The following NOP14 variants were observed in gnomAD, a reference collection of about 807,000 sequenced individuals.
NOP14 encodes NOP14 nucleolar protein.
In NOP14, 57 loss-of-function variants were observed where a neutral mutation model predicts 101.6. The observed-to-expected ratio is 0.56, with a 90% CI of 0.45 to 0.70. The LOEUF is 0.70. NOP14 is among the 30% of genes least tolerant of loss of function. NOP14 has a pLI of 0.00. For missense variants in NOP14, 1,134 were observed against 1,075.5 expected (o/e 1.05, Z -0.76); for synonymous variants, 428 against 424.0 (o/e 1.01, Z -0.12).
intron 1 of NOP14, among the ~76,000 whole-genome samples, chr4:2,962,115 A>C (rs1337540892): frequency 3.3e-5 from 5 of 152,250 alleles, no homozygotes; most frequent in African/African-American, 1.2e-4. Context: ...CAGTATTTAG[A>C]GAACACTTGC....
At position 2,942,208 on chromosome 4, in the gene NOP14, C is replaced by T. The variant is rs200033536; in HGVS notation, c.2035G>A (p.Glu679Lys). 35 of 1,614,112 alleles carry T rather than the reference C, an allele frequency of 2.2e-5. No homozygotes were observed. Among genetic ancestry groups the T allele is most frequent in the Non-Finnish European group, 3.0e-5 (35 of 1,179,976 alleles). The change falls in exon 14 of 18, where the codon GAG becomes AAG. Residue 679 changes from glutamate (E) to lysine (K), a missense_variant. Physicochemically the swap from Glu to Lys is moderately conservative, Grantham distance 56 (BLOSUM62 1). Coordinates refer to ENST00000416614, the MANE Select transcript of NOP14 (RefSeq NM_001291978.2). ...ASRLRAPTSTEANHIRLSCLA... is the reference protein window; with the variant it reads ...ASRLRAPTSTKANHIRLSCLA... Reference sequence around the variant, plus strand: ...CTCACATACCGGATGTGATTGGCCTCTGTCGAAGTTGGGGCCCTCAGTCTA... The same window carrying T: ...CTCACATACCGGATGTGATTGGCCTTTGTCGAAGTTGGGGCCCTCAGTCTA...
intron 13 of NOP14, 118 bp downstream of exon 13, chr4:2,943,955 G>T: frequency 2.6e-6 from 2 of 781,904 alleles, no homozygotes; most frequent in Non-Finnish European, 4.1e-6. Flanking sequence ...GCGGCGGGTG[G>T]CAGGTTGTGT....
intron 1 of NOP14, 81 bp downstream of exon 1, chr4:2,963,044 G>C (rs894012913): frequency 2.5e-5 from 34 of 1,366,276 alleles, no homozygotes; most frequent in Non-Finnish European, 3.2e-5. Flanking sequence ...GGAAACCGAC[G>C]CACCGAGAAG....
chr4:2,941,892 G>A, intron 14 of NOP14, 163 bp from the exon 15 acceptor site: 1 of 811,220 alleles, frequency 1.2e-6, no homozygotes, highest in Non-Finnish European at 1.9e-6. Flanking sequence ...GGGCAAGGCA[G>A]GCTCAGGGTC....
At chr4:2,961,276 T>C (rs1715876005) in intron 1 of NOP14, 1 of 122,578 alleles carries the variant, frequency 8.2e-6, no homozygotes, top group South Asian at 2.5e-4. Flanking sequence ...GTTAGTATAT[T>C]AATATATAGT....
In NOP14 at chr4:2,957,158, C is replaced by T. The variant is rs542851700; in HGVS notation, c.331-347G>A. Among the ~76,000 whole-genome samples, 173 of 152,242 alleles carry T rather than the reference C, an allele frequency of 1.1e-3. 1 individual carries two copies. The highest frequency in any genetic ancestry group is 3.9e-3 in the African/African-American group (161 of 41,554). On this transcript the variant is annotated intron_variant, in intron 2 of 17. Transcript: ENST00000416614. The stretch of plus-strand genomic sequence containing the variant: ...CTGGGATTATAGGCATGCGCCACCA[C>T]GCCTGGCTAATTTTTGTATTTTTAG...
rs1254927374 is a variant in NOP14 at position 2,960,836 on chromosome 4, ATAT to A, written c.195+2286_195+2288del. 1.8e-4 allele frequency among the ~76,000 whole-genome samples: 23 copies of A among 127,016 alleles called. 1 individual carries two copies. Among genetic ancestry groups the A allele is most frequent in the East Asian group, 6.3e-4 (3 of 4,784 alleles). 83.3% of individuals were successfully genotyped at this position (127,016 alleles called of 152,430 possible). A position where few individuals can be genotyped will look rare whatever the true frequency, so the allele number is the denominator to read the frequency against. On this transcript the variant is annotated intron_variant, in intron 1 of 17. Transcript: ENST00000416614. ...TTATAATCACATTATCAATATATTA[ATAT>A]TATAATCACATTATCAATATATTAA...
At chr4:2,958,742 C>A (rs1405479919) in intron 1 of NOP14, among the ~76,000 whole-genome samples, 1 of 152,212 alleles carries the variant, frequency 6.6e-6, no homozygotes, top group Admixed American at 6.5e-5. Context: ...GACTTGGTCA[C>A]TGCCACTCTG....
chr4:2,955,052 G>C (rs2109310088), intron 3 of NOP14, among the ~76,000 whole-genome samples: 1 of 133,646 alleles, frequency 7.5e-6, no homozygotes, highest in East Asian at 2.3e-4. Flanking sequence ...GCCCCCTCTA[G>C]TCACCTGCAC....
Position 2,950,039 on chromosome 4 carries a change from C to G in NOP14, c.1177G>C (p.Glu393Gln), listed in dbSNP as rs748364644. 2 of 1,614,090 alleles carry G rather than the reference C, an allele frequency of 1.2e-6. No individual in the cohort carries two copies. Among genetic ancestry groups the G allele is most frequent in the Non-Finnish European group, 1.7e-6 (2 of 1,180,044 alleles). ...TGCCTCTGCTCTTTTGCTGGCTTCT[C>G]GTTTTCTTCCTCACTCTCCACGTTG... ...ESNVESEEENEKPAKEQRQTP... is the reference protein window; with the variant it reads ...ESNVESEEENQKPAKEQRQTP... Residue 393 changes from glutamate to glutamine, a missense_variant, in exon 8 of 18, where the codon GAG becomes CAG. Coordinates refer to ENST00000416614, the MANE Select transcript of NOP14 (RefSeq NM_001291978.2).
At chr4:2,950,315 G>A (rs549189193) in intron 7 of NOP14, 102 bp from the exon 8 acceptor site, 6 of 1,269,390 alleles carry the variant, frequency 4.7e-6, no homozygotes, top group East Asian at 2.3e-5. Context: ...GGCTTTCTAC[G>A]TGGTTGCAAG....
intron 8 of NOP14, among the ~76,000 whole-genome samples, chr4:2,948,776 G>C (rs1005507816): frequency 6.6e-6 from 1 of 152,174 alleles, no homozygotes; most frequent in Admixed American, 6.6e-5. Flanking sequence ...TTTAAAATGA[G>C]AATTACTTAC....
At position 2,950,033 on chromosome 4, in the gene NOP14, G is replaced by A. The variant is rs755309399; in HGVS notation, c.1183C>T (p.Pro395Ser). The A allele has an allele frequency of 1.2e-6, 2 of 1,614,004 alleles. No homozygotes were observed. The highest frequency in any genetic ancestry group is 1.7e-6 in the Non-Finnish European group (2 of 1,180,034). ...GGAGTCTGCCTCTGCTCTTTTGCTG[G>A]CTTCTCGTTTTCTTCCTCACTCTCC... is the stretch of plus-strand genomic sequence containing the variant. ...NVESEEENEK[P>S]AKEQRQTPGK... Residue 395 changes from proline (P) to serine (S), a missense_variant, in exon 8 of 18, where the codon CCA becomes TCA. By Grantham distance (74) the Pro-to-Ser change is moderately conservative. Coordinates refer to ENST00000416614, the MANE Select transcript of NOP14 (RefSeq NM_001291978.2).
chr4:2,943,866 G>A (rs570223518), intron 13 of NOP14, among the ~76,000 whole-genome samples: 74 of 152,352 alleles, frequency 4.9e-4, no homozygotes, highest in African/African-American at 1.6e-3. Flanking sequence ...TGGCAACCAC[G>A]CTGGACAGCA....
At chr4:2,939,128 C>A (rs971503565) in intron 17 of NOP14, 60 bp downstream of exon 17, 2 of 1,601,930 alleles carry the variant, frequency 1.2e-6, no homozygotes, top group East Asian at 4.5e-5. Context: ...CTGCCCAGGG[C>A]CACACAGCAC....
In NOP14 at chr4:2,942,260, C is replaced by G; in HGVS notation, c.1983G>C (p.Gln661His). The G allele has an allele frequency of 6.2e-7, 1 of 1,614,060 alleles. No individual in the cohort carries two copies. Among genetic ancestry groups the G allele is most frequent in the Non-Finnish European group, 8.5e-7 (1 of 1,179,996 alleles). Residue 661 changes from glutamine to histidine, a missense_variant, in exon 14 of 18, where the codon CAG becomes CAC. Transcript: ENST00000416614. ...SAREDVATWQ[Q>H]SSLSLRWASR... ...TCGCCCAGCGGAGGGAGAGGCTGCT[C>G]TGCTGCCACGTGGCCACATCCTCTC... is the stretch of plus-strand genomic sequence containing the variant.
chr4:2,938,914 G>C lies in NOP14; in HGVS notation c.2491C>G (p.Arg831Gly), dbSNP rs567591572. ...EIMERDAERK[R>G]KVKQLFNSLA... is the part of the protein sequence containing the mutation. ...CTGTTAAAAAGCTGCTTTACTTTCC[G>C]CTTTCTTTCCGCATCCCTAAAAGAA... Residue 831 changes from arginine to glycine, a missense_variant, in exon 18 of 18, where the codon CGG (arginine) becomes GGG (glycine). Arg to Gly is a moderately radical substitution (Grantham distance 125, BLOSUM62 -2). Transcript: ENST00000416614. 2 of 1,613,914 alleles carry C rather than the reference G, an allele frequency of 1.2e-6. No individual in the cohort carries two copies. Among genetic ancestry groups the C allele is most frequent in the Non-Finnish European group, 1.7e-6 (2 of 1,179,910 alleles).
At position 2,962,999 on chromosome 4, in the gene NOP14, G is replaced by A. The variant is rs75370208; in HGVS notation, c.195+126C>T. 2.4e-3 allele frequency: 2,292 copies of A among 950,300 alleles called. 38 individuals carry two copies. In the African/African-American group the frequency reaches 0.032, roughly 13 times the overall value. 58.9% of individuals were successfully genotyped at this position (950,300 alleles called of 1,614,324 possible). A position where few individuals can be genotyped will look rare whatever the true frequency, so the allele number is the denominator to read the frequency against. Reference sequence around the variant, plus strand: ...GAGGCTTTCGGACTATCAAGTCAGTGCCGTGTGCCTGTCACGGCCTGTGCC... The same window carrying A: ...GAGGCTTTCGGACTATCAAGTCAGTACCGTGTGCCTGTCACGGCCTGTGCC... On this transcript the variant is annotated intron_variant, in intron 1 of 17. Transcript: ENST00000416614.
At chr4:2,959,380 T>C (rs58778165) in intron 1 of NOP14, among the ~76,000 whole-genome samples, 6,288 of 152,070 alleles carry the variant, frequency 0.041, 204 homozygotes, top group African/African-American at 0.082. Context: ...ATCACGAGGT[T>C]AGAAGATCAA....
Sources: allele counts gnomAD v4.1 joint callset (sites outside exome capture counted in the v4.1 genomes callset), GRCh38; gene constraint gnomAD v4.1.1; transcripts MANE v1.5; gene names NCBI Gene and HGNC (gene_info 2026-07-23, HGNC 2026-07-21).